SRM: variants seen among roughly 807,000 people sequenced by gnomAD.
SRM encodes the protein spermidine synthase, also known as putrescine aminopropyltransferase.
SRM carries 14 observed loss-of-function variants against 39.3 expected under a neutral mutation model. That is an observed-to-expected ratio of 0.36 (90% CI 0.24 to 0.56). The LOEUF (loss-of-function observed/expected upper bound fraction) is 0.56, where lower values mean the gene tolerates loss of function less well. Ranked by LOEUF, SRM falls within the 20% of genes least tolerant of loss-of-function variation. The probability of loss-of-function intolerance (pLI) is 0.86; values close to 1 mark genes in which losing one functional copy is unlikely to be tolerated. For missense variants in SRM, 244 were observed against 409.2 expected (o/e 0.60, Z 3.48); for synonymous variants, 195 against 173.1 (o/e 1.13, Z -0.99).
At position 11,056,598 on chromosome 1, in the gene SRM, G is replaced by A; in HGVS notation, c.535+6C>T. The stretch of plus-strand genomic sequence containing the variant: ...CAGAAAACCCTGGGGCCCATCCACT[G>A]CTTACCCATGGGGTCTGAGGAGTCA... On this transcript the variant is annotated splice_donor_region_variant and intron_variant, in intron 4 of 7. Transcript: ENST00000376957. The A allele has an allele frequency of 6.2e-7, 1 of 1,613,990 alleles. No homozygotes were observed.
rs1638838926 is a variant in SRM at position 11,054,807 on chromosome 1, G to A, written c.*58C>T. ...CCGGCCCGGGGCTGGAGGGGCCGAG[G>A]CACCCCGCAGGCTCCAAGGTCCGAG... is the stretch of plus-strand genomic sequence containing the variant. On this transcript the variant is annotated 3_prime_UTR_variant, in exon 8 of 8. Transcript: ENST00000376957. The surrounding 1 kb of genome is among the most constrained non-coding windows in gnomAD (Gnocchi z 4.8). 3 of 1,544,428 alleles carry A rather than the reference G, an allele frequency of 1.9e-6. No individual in the cohort carries two copies. The highest frequency in any genetic ancestry group is 1.2e-5 in the South Asian group (1 of 80,522).
At chr1:11,058,561 CA>C (rs55958066) in intron 3 of SRM, 39,798 of 182,792 alleles carry the variant, frequency 0.22, 595 homozygotes, top group East Asian at 0.28. Flanking sequence ...AACTCTGTCT[CA>C]AAAAAAAAAA....
At position 11,055,924 on chromosome 1, in the gene SRM, C is replaced by T. The variant is rs1448571929; in HGVS notation, c.622G>A (p.Glu208Lys). Residue 208 changes from glutamate to lysine, a missense_variant and splice_region_variant, in exon 6 of 8, where the codon GAG becomes AAG. By Grantham distance (56) the Glu-to-Lys change is moderately conservative. Transcript: ENST00000376957. The part of the protein sequence containing the change: ...KEDGVLCCQG[E>K]CQWLHLDLIK... ...AGGTCCAGGTGCAGCCACTGGCACT[C>T]GCCTGGGGGCCCCTAAGCATCAGCA... 1.3e-6 allele frequency: 2 copies of T among 1,598,846 alleles called. No homozygotes were observed. Among genetic ancestry groups the T allele is most frequent in the Non-Finnish European group, 1.7e-6 (2 of 1,170,598 alleles).
At chr1:11,059,609 C>A in intron 1 of SRM, 168 bp downstream of exon 1, 1 of 973,018 alleles carries the variant, frequency 1.0e-6, no homozygotes, top group South Asian at 1.7e-5. Flanking sequence ...AAGAGGCCAG[C>A]CCGCAGTCCC....
chr1:11,056,896 G>T (rs1638888762), intron 3 of SRM, 139 bp from the exon 4 acceptor site: 3 of 823,242 alleles, frequency 3.6e-6, no homozygotes, highest in East Asian at 2.7e-5. Context: ...ATTTTTTTTT[G>T]AGACAGGGTC....
Position 11,059,291 on chromosome 1 carries a change from T to C in SRM, c.222A>G (p.Arg74=), listed in dbSNP as rs140172857. 1.2e-4 allele frequency: 200 copies of C among 1,613,486 alleles called. No homozygotes were observed. The highest frequency in any genetic ancestry group is 1.6e-4 in the Non-Finnish European group (194 of 1,179,978). ...TCATCTCCTGGTAGGAGAACTCGTC[T>C]CTCTCCGTGCACTGGATGACACCGT... ...VLDGVIQCTE[R]DEFSYQEMIA... Residue 74 remains arginine (R), a synonymous_variant, in exon 2 of 8, where the codon AGA becomes AGG. Coordinates refer to ENST00000376957, the MANE Select transcript of SRM (RefSeq NM_003132.3).
Position 11,059,948 on chromosome 1 carries a change from GGCGGGCGGGCGGC to G in SRM, c.-18_-6del. 9.5e-7 allele frequency: 1 copy of G among 1,055,330 alleles called. No homozygotes were observed. The highest frequency in any genetic ancestry group is 1.7e-5 in the African/African-American group (1 of 58,628). The allele number at this position is 1,055,330 out of a possible 1,614,324, so 65.4% of individuals were successfully genotyped here. The stretch of plus-strand genomic sequence containing the variant: ...GCCGTCGGGGCCGGGCTCCATGGCG[GGCGGGCGGGCGGC>G]GCGGGGCGCGGGCCCGGGACTGCAG... On this transcript the variant is annotated 5_prime_UTR_variant, in exon 1 of 8. Coordinates refer to ENST00000376957, the MANE Select transcript of SRM (RefSeq NM_003132.3).
chr1:11,058,025 C>G (rs148912569), intron 3 of SRM, among the ~76,000 whole-genome samples: 2 of 152,012 alleles, frequency 1.3e-5, no homozygotes, highest in Non-Finnish European at 2.9e-5. Context: ...GTGATCTGCC[C>G]GCCTTGGCGT....
At chr1:11,055,215 T>C in intron 6 of SRM, 131 bp from the exon 7 acceptor site, 2 of 1,334,532 alleles carry the variant, frequency 1.5e-6, no homozygotes, top group Non-Finnish European at 2.0e-6. Context: ...TCTCCCAGGT[T>C]CAAGTGATTC....
In SRM at chr1:11,058,887, C is replaced by A. The variant is rs750543578; in HGVS notation, c.294G>T (p.Leu98=). Residue 98 remains leucine (L), a synonymous_variant, in exon 3 of 8, where the codon CTG becomes CTT. Transcript: ENST00000376957. ...LCSHPNPRKV[L]IIGGGDGGVL... ...CACCTCCATCTCCGCCCCCGATGAT[C>A]AGCACCTGGGAGGAGGGGGCAGTCA... 1 of 1,607,628 alleles carries A rather than the reference C, an allele frequency of 6.2e-7. No homozygotes were observed. The highest frequency in any genetic ancestry group is 1.1e-5 in the South Asian group (1 of 89,766).
At chr1:11,058,731 A>G in intron 3 of SRM, 69 bp downstream of exon 3, 3 of 1,386,722 alleles carry the variant, frequency 2.2e-6, no homozygotes, top group Non-Finnish European at 3.0e-6. Context: ...GGGGGTGTGC[A>G]GCCATTTCAG....
At chr1:11,056,497 A>G in intron 4 of SRM, 107 bp downstream of exon 4, 1 of 1,348,492 alleles carries the variant, frequency 7.4e-7, no homozygotes, top group Non-Finnish European at 1.0e-6. Flanking sequence ...GTACAGCTCT[A>G]GTTCGGGGGG....
Position 11,056,042 on chromosome 1 carries a change from G to A in SRM, c.588C>T (p.Ala196=). The change falls in exon 5 of 8, where the codon GCC becomes GCT. Residue 196 remains alanine (A), a synonymous_variant. Transcript: ENST00000376957. ...KESYYQLMKT[A]LKEDGVLCCQ... ...AGCAGAGGACACCATCTTCCTTGAGGGCTGTCTTCATGAGCTGGTAATAGG... is the reference window on the plus strand; with the variant it reads ...AGCAGAGGACACCATCTTCCTTGAGAGCTGTCTTCATGAGCTGGTAATAGG... 6.2e-7 allele frequency: 1 copy of A among 1,613,358 alleles called. No individual in the cohort carries two copies. The highest frequency in any genetic ancestry group is 8.5e-7 in the Non-Finnish European group (1 of 1,179,648).
intron 1 of SRM, chr1:11,059,561 A>C: frequency 1.1e-6 from 1 of 930,352 alleles, no homozygotes. Context: ...CTGAGGGCTG[A>C]CACGTGGAGC....
At chr1:11,056,818 GCC>G (rs2100921257) in intron 3 of SRM, 61 bp from the exon 4 acceptor site, 2 of 1,587,514 alleles carry the variant, frequency 1.3e-6, no homozygotes, top group East Asian at 4.5e-5. Context: ...AGCCAGCACA[GCC>G]ACGTGGGACT....
intron 1 of SRM, 114 bp downstream of exon 1, chr1:11,059,663 A>AG: frequency 8.0e-7 from 1 of 1,252,116 alleles, no homozygotes; most frequent in Non-Finnish European, 1.1e-6. Context: ...CGAGGGGGCC[A>AG]GGGCAGGACG....
Position 11,059,912 on chromosome 1 carries a change from G to T in SRM, c.32C>A (p.Ser11Tyr), listed in dbSNP as rs779279835. 2.2e-6 allele frequency: 3 copies of T among 1,378,488 alleles called. No homozygotes were observed. The highest frequency in any genetic ancestry group is 1.5e-5 in the African/African-American group (1 of 66,530). 85.4% of individuals were successfully genotyped at this position (1,378,488 alleles called of 1,614,324 possible). ...GCCCTCGCGGATGGCGGCGGGGCCG[G>T]AGGCGGCGGGGCCGTCGGGGCCGGG... MEPGPDGPAA[S>Y]GPAAIREGWF... Residue 11 changes from serine to tyrosine, a missense_variant, in exon 1 of 8, where the codon TCC (serine) becomes TAC (tyrosine). Ser to Tyr is a moderately radical substitution (Grantham distance 144). Coordinates refer to ENST00000376957, the MANE Select transcript of SRM (RefSeq NM_003132.3).
chr1:11,059,938 C>CCTG lies in SRM; in HGVS notation c.5_6insCAG (p.Glu2delinsAspArg). On this transcript the variant is annotated protein_altering_variant, in exon 1 of 8. Transcript: ENST00000376957. ...AGGCGGCGGGGCCGTCGGGGCCGGGCTCCATGGCGGGCGGGCGGGCGGCGC... is the reference window on the plus strand; with the variant it reads ...AGGCGGCGGGGCCGTCGGGGCCGGGCCTGTCCATGGCGGGCGGGCGGGCGGCGC... 1 of 1,149,828 alleles carries CCTG rather than the reference C, an allele frequency of 8.7e-7. No individual in the cohort carries two copies. Among genetic ancestry groups the CCTG allele is most frequent in the South Asian group, 4.2e-5 (1 of 24,050 alleles). 71.2% of individuals were successfully genotyped at this position (1,149,828 alleles called of 1,614,324 possible).
At position 11,054,812 on chromosome 1, in the gene SRM, C is replaced by A; in HGVS notation, c.*53G>T. 6.4e-7 allele frequency: 1 copy of A among 1,555,038 alleles called. No homozygotes were observed. Among genetic ancestry groups the A allele is most frequent in the East Asian group, 2.3e-5 (1 of 44,100 alleles). On this transcript the variant is annotated 3_prime_UTR_variant, in exon 8 of 8. Coordinates refer to ENST00000376957, the MANE Select transcript of SRM (RefSeq NM_003132.3). This position sits in a 1 kb window ranked among gnomAD's most constrained non-coding sequence, Gnocchi z 4.8. The stretch of plus-strand genomic sequence containing the variant: ...CCGGGGCTGGAGGGGCCGAGGCACC[C>A]CGCAGGCTCCAAGGTCCGAGGTCCT...
Sources: gnomAD v4.1 joint callset for allele counts (sites outside exome capture counted in the v4.1 genomes callset) on GRCh38, gnomAD v4.1.1 for gene constraint, Gnocchi (gnomAD v3.1) non-coding constraint, MANE v1.5 for transcripts, NCBI Gene and HGNC (gene_info 2026-07-23, HGNC 2026-07-21) for gene names.